Variants in DNAH9 observed in about 807,000 individuals in gnomAD.
DNAH9 encodes the protein dynein axonemal heavy chain 9.
In DNAH9, 345 loss-of-function variants were observed where a neutral mutation model predicts 471.6. The observed-to-expected ratio is 0.73, with a 90% CI of 0.67 to 0.80. The LOEUF (loss-of-function observed/expected upper bound fraction) is 0.80. Ranked by LOEUF, DNAH9 falls within the 30% of genes least tolerant of loss-of-function variation. The pLI is 0.00. For missense variants in DNAH9, 5,407 were observed against 5,609.2 expected (o/e 0.96, Z 1.15); for synonymous variants, 2,093 against 2,123.6 (o/e 0.99, Z 0.40).
rs779185025 is a variant in DNAH9, at chr17:11,697,485, A to G, written c.4873-2246A>G. ...ATAAAATTTAAATTAATTTCTAAAA[A>G]TTTGTATGCTTATATACTTGTTTTG... is the stretch of plus-strand genomic sequence containing the variant. On this transcript the variant is annotated intron_variant, in intron 22 of 68. Coordinates refer to ENST00000262442, the MANE Select transcript of DNAH9 (RefSeq NM_001372.4). Among the ~76,000 whole-genome samples the G allele has an allele frequency of 5.6e-4, 85 of 152,272 alleles. 1 individual carries two copies. The highest frequency in any genetic ancestry group is 3.4e-3 in the Middle Eastern group (1 of 294).
chr17:11,952,308 TC>T (rs1443285965), intron 67 of DNAH9, among the ~76,000 whole-genome samples: 22 of 130,760 alleles, frequency 1.7e-4, no homozygotes, highest in African/African-American at 5.1e-4. Flanking sequence ...CCCAGCTAAT[TC>T]TTTTTTTTTT....
intron 14 of DNAH9, among the ~76,000 whole-genome samples, chr17:11,663,601 A>G (rs2073813809): frequency 6.6e-6 from 1 of 152,250 alleles, no homozygotes; most frequent in Non-Finnish European, 1.5e-5. Context: ...GGTTAAAATC[A>G]GAAACCTGAA....
At position 11,883,744 on chromosome 17, in the gene DNAH9, G is replaced by A. The variant is rs369342770; in HGVS notation, c.10965G>A (p.Glu3655=). The change falls in exon 56 of 69, where the codon GAG becomes GAA. Residue 3655 remains glutamate (E), a synonymous_variant. Transcript: ENST00000262442. Reference sequence around the variant, plus strand: ...CCAAGCAGACTGCTGCCGAAGTTGAGAAAAAGGTAAAACTCCTCTGGCTAG... The same window carrying A: ...CCAAGCAGACTGCTGCCGAAGTTGAAAAAAAGGTAAAACTCCTCTGGCTAG... The part of the protein sequence containing the change: ...EITKQTAAEV[E]KKVQEAKVTE... The A allele has an allele frequency of 9.9e-6, 16 of 1,612,936 alleles. No homozygotes were observed. The African/African-American group carries it at 1.5e-4, about 15-fold the overall frequency.
Position 11,807,826 on chromosome 17 carries a change from G to A in DNAH9, c.8515G>A (p.Ala2839Thr), listed in dbSNP as rs144799994. 91 of 1,613,986 alleles carry A rather than the reference G, an allele frequency of 5.6e-5. No individual in the cohort carries two copies. The highest frequency in any genetic ancestry group is 1.1e-5 in the Non-Finnish European group (13 of 1,179,968). The change falls in exon 44 of 69, where the codon GCT (alanine) becomes ACT (threonine). Residue 2839 changes from alanine to threonine, a missense_variant. This residue lies in a region of DNAH9 where 4,636 missense variants were observed against 4,900.3 expected (regional missense o/e 0.95). Transcript: ENST00000262442. ...CAAGCAGAGCCTGACAAGGCTGGCA[G>A]CTTTCATCAGCTCCATGGATGTCTT... ...SGKQSLTRLA[A>T]FISSMDVFQI...
intron 2 of DNAH9, 93 bp from the exon 3 acceptor site, chr17:11,610,303 T>C (rs2072606676): frequency 1.6e-5 from 16 of 987,294 alleles, no homozygotes; most frequent in Middle Eastern, 6.5e-4. Flanking sequence ...TTTTTAAATT[T>C]GGGATTCTGT....
In DNAH9 at chr17:11,623,433, G is replaced by A. The variant is rs546813872; in HGVS notation, c.1350+3652G>A. Reference sequence around the variant, plus strand: ...TTTCCATGTGTTTTCATCTTCCCACGGCTACTCCTTGCCCCTTTTCCTCAT... The same window carrying A: ...TTTCCATGTGTTTTCATCTTCCCACAGCTACTCCTTGCCCCTTTTCCTCAT... On this transcript the variant is annotated intron_variant, in intron 6 of 68. Transcript: ENST00000262442. The surrounding 1 kb of genome is among the most constrained non-coding windows in gnomAD (Gnocchi z 4.1). Among the ~76,000 whole-genome samples the A allele has an allele frequency of 2.8e-4, 43 of 151,636 alleles. No individual in the cohort carries two copies. The highest frequency in any genetic ancestry group is 1.4e-3 in the East Asian group (7 of 5,150).
At position 11,756,626 on chromosome 17, in the gene DNAH9, T is replaced by G; in HGVS notation, c.6797T>G (p.Phe2266Cys). ...IPLNPTMKLL[F>C]EISHLRTATP... is the part of the protein sequence containing the mutation. ...CTGAACCCCACCATGAAGCTCCTCT[T>G]TGAGATCAGCCACCTGCGCACAGCC... is the stretch of plus-strand genomic sequence containing the variant. Residue 2266 changes from phenylalanine to cysteine, a missense_variant, in exon 34 of 69, where the codon TTT (phenylalanine) becomes TGT (cysteine). By Grantham distance (205) the Phe-to-Cys change is radical. This residue lies in a region of DNAH9 where 4,636 missense variants were observed against 4,900.3 expected (regional missense o/e 0.95). Coordinates refer to ENST00000262442, the MANE Select transcript of DNAH9 (RefSeq NM_001372.4). 2 of 1,613,986 alleles carry G rather than the reference T, an allele frequency of 1.2e-6. No homozygotes were observed. Among genetic ancestry groups the G allele is most frequent in the Non-Finnish European group, 8.5e-7 (1 of 1,179,912 alleles).
rs886846626 is a variant in DNAH9 at position 11,784,467 on chromosome 17, T to C, written c.7989T>C (p.Ala2663=). 4.3e-6 allele frequency: 7 copies of C among 1,614,090 alleles called. No individual in the cohort carries two copies. The highest frequency in any genetic ancestry group is 5.1e-6 in the Non-Finnish European group (6 of 1,180,038). Residue 2663 remains alanine, a synonymous_variant, in exon 41 of 69, where the codon GCT becomes GCC. Coordinates refer to ENST00000262442, the MANE Select transcript of DNAH9 (RefSeq NM_001372.4). ...DLALAFHQKI[A]TTFLPTGIKF... is the part of the protein sequence containing the mutation. ...CCCTCGCCTTCCACCAGAAAATTGC[T>C]ACCACCTTCCTACCCACAGGAATCA... is the stretch of plus-strand genomic sequence containing the variant.
At chr17:11,696,122 T>C (rs1187916682) in intron 22 of DNAH9, among the ~76,000 whole-genome samples, 6 of 152,216 alleles carry the variant, frequency 3.9e-5, no homozygotes, top group Non-Finnish European at 8.8e-5. Flanking sequence ...CATTAATTTC[T>C]GGGTTAGCTT....
At chr17:11,887,055 A>T (rs1283287225) in intron 57 of DNAH9, 90 bp downstream of exon 57, 1 of 1,464,454 alleles carries the variant, frequency 6.8e-7, no homozygotes, top group Admixed American at 2.3e-5. Context: ...TCCATGTAAG[A>T]TCATTAGCTA....
intron 26 of DNAH9, among the ~76,000 whole-genome samples, chr17:11,718,536 A>G (rs1329520288): frequency 6.6e-6 from 1 of 152,208 alleles, no homozygotes; most frequent in Non-Finnish European, 1.5e-5. Context: ...AGTCCTTTTT[A>G]ATAGTACCAG....
chr17:11,628,018 C>G (rs1160767287), intron 6 of DNAH9, among the ~76,000 whole-genome samples: 1 of 152,188 alleles, frequency 6.6e-6, no homozygotes, highest in Non-Finnish European at 1.5e-5. Context: ...GATTTTACAG[C>G]ATCGGTGTCA....
At position 11,869,267 on chromosome 17, in the gene DNAH9, ACAGC is replaced by A; in HGVS notation, c.10053+15_10053+18del. On this transcript the variant is annotated intron_variant, in intron 51 of 68. Transcript: ENST00000262442. ...GCCAACCGCCTGGTGAGTGTAAGCC[ACAGC>A]AGCCCGAGCTGTAATTATATTAGCA... The A allele has an allele frequency of 6.2e-7, 1 of 1,611,234 alleles. No individual in the cohort carries two copies. The highest frequency in any genetic ancestry group is 2.2e-5 in the East Asian group (1 of 44,842).
intron 67 of DNAH9, among the ~76,000 whole-genome samples, 172 bp downstream of exon 67, chr17:11,942,657 G>A (rs1974967679): frequency 1.3e-5 from 2 of 152,182 alleles, no homozygotes; most frequent in South Asian, 4.1e-4. Context: ...CCATGAGGTT[G>A]TCTACAAGAA....
intron 38 of DNAH9, among the ~76,000 whole-genome samples, chr17:11,775,690 C>T (rs1000964845): frequency 3.3e-5 from 5 of 149,576 alleles, no homozygotes; most frequent in South Asian, 2.1e-4. Flanking sequence ...CTGCAAGCTC[C>T]GCCTCCTGGG....
rs2075052500 is a variant in DNAH9 at position 11,721,244 on chromosome 17, G to T, written c.5709+1754G>T. 2.6e-5 allele frequency among the ~76,000 whole-genome samples: 4 copies of T among 152,128 alleles called. No individual in the cohort carries two copies. The South Asian group carries it at 8.3e-4, about 32-fold the overall frequency. ...TGTTAAAAGTACAGGGTGAACGGGG[G>T]AGTCTATCTTTGTTTTTTTTGTTTG... On this transcript the variant is annotated intron_variant, in intron 27 of 68. Transcript: ENST00000262442.
At position 11,935,211 on chromosome 17, in the gene DNAH9, C is replaced by G. The variant is rs1974666050; in HGVS notation, c.12489+1140C>G. Among the ~76,000 whole-genome samples, 3 of 151,874 alleles carry G rather than the reference C, an allele frequency of 2.0e-5. No individual in the cohort carries two copies. In the South Asian group the frequency reaches 6.2e-4, roughly 32 times the overall value. ...TCCTAACCTCAGGTGATCCACCTGCCTCGGCCTCCCAAAGTGCTGGGATTA... is the reference window on the plus strand; with the variant it reads ...TCCTAACCTCAGGTGATCCACCTGCGTCGGCCTCCCAAAGTGCTGGGATTA... On this transcript the variant is annotated intron_variant, in intron 65 of 68. Coordinates refer to ENST00000262442, the MANE Select transcript of DNAH9 (RefSeq NM_001372.4).
In DNAH9 at chr17:11,688,819, C is replaced by A. The variant is rs528295976; in HGVS notation, c.3744-747C>A. 5.6e-4 allele frequency among the ~76,000 whole-genome samples: 86 copies of A among 152,250 alleles called. No individual in the cohort carries two copies. In the South Asian group the frequency reaches 0.015, roughly 26 times the overall value. On this transcript the variant is annotated intron_variant, in intron 19 of 68. Transcript: ENST00000262442. ...CCCACTTAAAGATCACCTACCAAGC[C>A]AGGCTTGGTGGCTTGTGCCTGTAAT...
At position 11,822,490 on chromosome 17, in the gene DNAH9, A is replaced by G. The variant is rs923997183; in HGVS notation, c.8903A>G (p.Lys2968Arg). The G allele has an allele frequency of 1.9e-6, 3 of 1,614,174 alleles. No homozygotes were observed. Among genetic ancestry groups the G allele is most frequent in the Non-Finnish European group, 2.5e-6 (3 of 1,180,026 alleles). ...VGNKLRVRSR[K>R]FPAIVNCTAI... ...AACAAGCTAAGAGTCCGCAGCAGGA[A>G]GTTCCCAGCCATTGTGAACTGCACA... is the stretch of plus-strand genomic sequence containing the variant. The change falls in exon 47 of 69, where the codon AAG becomes AGG. Residue 2968 changes from lysine to arginine, a missense_variant. Lys to Arg is a conservative substitution (Grantham distance 26). This residue lies in a region of DNAH9 where 4,636 missense variants were observed against 4,900.3 expected (regional missense o/e 0.95). Transcript: ENST00000262442.
Sources: gnomAD v4.1 joint callset for allele counts (sites outside exome capture counted in the v4.1 genomes callset) on GRCh38, gnomAD v4.1.1 for gene constraint, gnomAD v4.1.1 regional missense constraint, Gnocchi (gnomAD v3.1) non-coding constraint, MANE v1.5 for transcripts, NCBI Gene and HGNC (gene_info 2026-07-23, HGNC 2026-07-21) for gene names.